PIH1D2: variants seen among roughly 807,000 people sequenced by gnomAD.
PIH1D2 encodes the protein PIH1 domain-containing protein 2.
Under a neutral mutation model 31.2 loss-of-function variants are expected in PIH1D2, and 25 were observed. The observed-to-expected ratio is 0.80, with a 90% CI of 0.58 to 1.12. The LOEUF (loss-of-function observed/expected upper bound fraction) is 1.12. PIH1D2 is among the 50% of genes most tolerant of loss of function. The pLI, the probability that PIH1D2 is intolerant of heterozygous loss-of-function variation, is 0.00. For synonymous variants in PIH1D2, 116 were observed against 119.9 expected (o/e 0.97, Z 0.21); for missense variants, 310 against 356.6 (o/e 0.87, Z 1.05).
In PIH1D2 at chr11:112,068,024, G is replaced by T; in HGVS notation, c.814-19C>A. ...AATCATCCTAAGAATAATAAACCAA[G>T]AGATTTATTTCCTGCTTAAAATTTG... On this transcript the variant is annotated intron_variant, in intron 5 of 5. Transcript: ENST00000280350. The T allele has an allele frequency of 1.3e-6, 2 of 1,484,172 alleles. No homozygotes were observed. Among genetic ancestry groups the T allele is most frequent in the Non-Finnish European group, 9.3e-7 (1 of 1,079,616 alleles). The allele number at this position is 1,484,172 out of a possible 1,614,324, so 91.9% of individuals were successfully genotyped here.
intron 2 of PIH1D2, 123 bp downstream of exon 2, chr11:112,072,875 A>C (rs1397809442): frequency 3.3e-5 from 35 of 1,070,154 alleles, no homozygotes; most frequent in Non-Finnish European, 4.4e-5. Flanking sequence ...AAAACAAAAC[A>C]AAACAAAACA....
At chr11:112,054,721 A>C in the PIH1D2 span, among the ~76,000 whole-genome samples, 1 of 152,224 alleles carries the variant, frequency 6.6e-6, no homozygotes, top group Admixed American at 6.5e-5. Flanking sequence ...AAGTTGATGG[A>C]TTAAAACAAA....
the PIH1D2 span, among the ~76,000 whole-genome samples, chr11:112,052,736 T>TCG: frequency 6.6e-6 from 1 of 152,070 alleles, no homozygotes; most frequent in African/African-American, 2.4e-5. Flanking sequence ...GAGTTTGATC[T>TCG]CCAGGATCTC....
Position 112,073,116 on chromosome 11 carries a change from T to C in PIH1D2, c.59A>G (p.Asp20Gly). 1 of 1,614,052 alleles carries C rather than the reference T, an allele frequency of 6.2e-7. No homozygotes were observed. Among genetic ancestry groups the C allele is most frequent in the Non-Finnish European group, 8.5e-7 (1 of 1,179,940 alleles). The change falls in exon 2 of 6, where the codon GAT becomes GGT. Residue 20 changes from aspartate (D) to glycine (G), a missense_variant. Asp to Gly is a moderately conservative substitution (Grantham distance 94). Transcript: ENST00000280350. ...CTCAGGGTCACTCTGAGCTAGATCA[T>C]CTAGGAGGTTCCAAAACTGAGTAAC... ...TQVTQFWNLL[D>G]DLAQSDPEGY...
the PIH1D2 span, among the ~76,000 whole-genome samples, chr11:112,055,235 ATTTTTTTTTTTTTTT>A: frequency 1.3e-5 from 1 of 75,444 alleles, no homozygotes; most frequent in Admixed American, 1.8e-4. Flanking sequence ...GTCAAGGCCT[ATTTTTTTTTTTTTTT>A]TTTTTTTTTT....
the PIH1D2 span, among the ~76,000 whole-genome samples, chr11:112,055,507 G>A: frequency 1.3e-5 from 2 of 151,960 alleles, no homozygotes; most frequent in Non-Finnish European, 2.9e-5. Context: ...GCCTCCCAAA[G>A]TGCTGGGATT....
the PIH1D2 span, among the ~76,000 whole-genome samples, chr11:112,056,642 C>T: frequency 6.6e-6 from 1 of 152,034 alleles, no homozygotes; most frequent in Non-Finnish European, 1.5e-5. Context: ...TATTTACATA[C>T]AGTTATTTGT....
In PIH1D2 at chr11:112,070,515, T is replaced by G. The variant is rs782010270; in HGVS notation, c.734A>C (p.Glu245Ala). ...TTTCAACTCAATTTTCAGAGGTTTC[T>G]CACTGTGATCATGCACAATTTTTAG... ...YELKIVHDHS[E>A]KPLKIELKVE... is the part of the protein sequence containing the mutation. Residue 245 changes from glutamate (E) to alanine (A), a missense_variant, in exon 5 of 6, where the codon GAG becomes GCG. Glu to Ala is a moderately radical substitution (Grantham distance 107). Transcript: ENST00000280350. 6.2e-7 allele frequency: 1 copy of G among 1,614,154 alleles called. No homozygotes were observed. The highest frequency in any genetic ancestry group is 1.1e-5 in the South Asian group (1 of 91,080).
At chr11:112,052,784 G>A in the PIH1D2 span, among the ~76,000 whole-genome samples, 4 of 152,010 alleles carry the variant, frequency 2.6e-5, no homozygotes, top group South Asian at 2.1e-4. Flanking sequence ...TAGGTCAGTG[G>A]GTAGAGCTAA....
chr11:112,054,422 T>C, the PIH1D2 span, among the ~76,000 whole-genome samples: 1 of 152,208 alleles, frequency 6.6e-6, no homozygotes, highest in Non-Finnish European at 1.5e-5. Flanking sequence ...TGACAGTGAT[T>C]GTGTATGACT....
the PIH1D2 span, among the ~76,000 whole-genome samples, chr11:112,055,607 A>G: frequency 2.0e-5 from 3 of 151,984 alleles, no homozygotes; most frequent in Admixed American, 1.3e-4. Flanking sequence ...TGAGTTAGCC[A>G]CTGTTACTGA....
intron 5 of PIH1D2, chr11:112,070,039 T>A (rs1233771855): frequency 3.9e-6 from 1 of 254,034 alleles, no homozygotes; most frequent in East Asian, 7.4e-5. Flanking sequence ...TGTAGACTGG[T>A]AGACTGTAGG....
At chr11:112,070,851 AG>A in intron 4 of PIH1D2, 150 bp from the exon 5 acceptor site, 1 of 1,230,650 alleles carries the variant, frequency 8.1e-7, no homozygotes, top group South Asian at 1.7e-5. Context: ...CTTAAACCAA[AG>A]AATTTGATTG....
chr11:112,072,900 CA>C (rs1266784839), intron 2 of PIH1D2, 97 bp downstream of exon 2: 82 of 1,019,508 alleles, frequency 8.0e-5, no homozygotes, highest in East Asian at 3.3e-4. Flanking sequence ...AAAAAAAAAA[CA>C]AAAAAAATTA....
intron 5 of PIH1D2, 38 bp downstream of exon 5, chr11:112,070,398 G>A: frequency 6.3e-7 from 1 of 1,593,626 alleles, no homozygotes; most frequent in Non-Finnish European, 8.6e-7. Context: ...AGTGAATGCT[G>A]GCCAATACAA....
In PIH1D2 at chr11:112,073,123, G is replaced by C; in HGVS notation, c.52C>G (p.Leu18Val). 6.2e-7 allele frequency: 1 copy of C among 1,614,014 alleles called. No individual in the cohort carries two copies. The highest frequency in any genetic ancestry group is 1.3e-5 in the African/African-American group (1 of 75,014). Residue 18 changes from leucine to valine, a missense_variant, in exon 2 of 6, where the codon CTC becomes GTC. Transcript: ENST00000280350. The stretch of plus-strand genomic sequence containing the variant: ...TCACTCTGAGCTAGATCATCTAGGA[G>C]GTTCCAAAACTGAGTAACTTGGGTA... ...LLTQVTQFWN[L>V]LDDLAQSDPE... is the part of the protein sequence containing the mutation.
chr11:112,064,842 A>ATTTT (rs11412850), downstream of PIH1D2, among the ~76,000 whole-genome samples: 3 of 134,936 alleles, frequency 2.2e-5, no homozygotes, highest in South Asian at 4.8e-4. Flanking sequence ...TGGTCTCCAA[A>ATTTT]TTTTTTTTTT....
downstream of PIH1D2, among the ~76,000 whole-genome samples, chr11:112,058,628 G>A (rs1198504356): frequency 7.5e-6 from 1 of 132,460 alleles, no homozygotes; most frequent in African/African-American, 2.8e-5. Context: ...GGGGGGGTGG[G>A]GGGGGGGAAT....
chr11:112,064,780 A>G (rs1467516874), downstream of PIH1D2, among the ~76,000 whole-genome samples: 1 of 152,160 alleles, frequency 6.6e-6, no homozygotes. Context: ...TACATGGGGA[A>G]ATCATCATCA....
Sources: allele counts gnomAD v4.1 joint callset (sites outside exome capture counted in the v4.1 genomes callset), GRCh38; gene constraint gnomAD v4.1.1; transcripts MANE v1.5; gene names NCBI Gene and HGNC (gene_info 2026-07-23, HGNC 2026-07-21).